RBFOX1: variants seen among roughly 807,000 people sequenced by gnomAD.
RBFOX1 encodes the protein RNA binding protein fox-1 homolog 1.
A neutral mutation model predicts 57.7 loss-of-function variants in RBFOX1; 8 were observed. That is an observed-to-expected ratio of 0.14 (90% CI 0.08 to 0.25). The LOEUF is 0.25. Among genes scored for constraint, RBFOX1 ranks in the 10% least tolerant of loss-of-function variants. The pLI is 1.00. For synonymous variants in RBFOX1, 326 were observed against 222.4 expected (o/e 1.47, Z -4.15); for missense variants, 611 against 548.5 (o/e 1.11, Z -1.14).
chr16:7,121,007 C>G (rs141546580), intron 4 of RBFOX1, among the ~76,000 whole-genome samples: 4 of 151,724 alleles, frequency 2.6e-5, no homozygotes, highest in East Asian at 3.9e-4. Context: ...AAGAAGAAAA[C>G]TAACACATGA....
chr16:7,163,880 G>A (rs1402620448), intron 4 of RBFOX1, among the ~76,000 whole-genome samples: 1 of 151,994 alleles, frequency 6.6e-6, no homozygotes, highest in African/African-American at 2.4e-5. Context: ...GGCTGGTATC[G>A]AACTCCTGAC....
At chr16:6,210,462 G>C (rs909987724) in intron 1 of RBFOX1, among the ~76,000 whole-genome samples, 1 of 151,716 alleles carries the variant, frequency 6.6e-6, no homozygotes, top group Admixed American at 6.6e-5. Context: ...AGACACAGTG[G>C]CTCACTCCTA....
chr16:6,488,316 A>C (rs2095551069), intron 2 of RBFOX1, among the ~76,000 whole-genome samples: 1 of 152,244 alleles, frequency 6.6e-6, no homozygotes, highest in South Asian at 2.1e-4. Flanking sequence ...TATTGTGGTT[A>C]GCTGAATGTG....
intron 3 of RBFOX1, among the ~76,000 whole-genome samples, chr16:6,977,640 G>T (rs891545752): frequency 6.6e-6 from 1 of 152,080 alleles, no homozygotes; most frequent in African/African-American, 2.4e-5. Flanking sequence ...CCCCCGGCTG[G>T]TCATCTCTTT....
intron 4 of RBFOX1, among the ~76,000 whole-genome samples, chr16:7,264,770 C>T (rs1223234280): frequency 2.0e-5 from 3 of 152,104 alleles, no homozygotes; most frequent in African/African-American, 7.2e-5. Context: ...GATAGTGGGG[C>T]ACATTTGGCC....
intron 4 of RBFOX1, among the ~76,000 whole-genome samples, chr16:7,109,964 T>G (rs1210288535): frequency 6.6e-6 from 1 of 152,052 alleles, no homozygotes; most frequent in Non-Finnish European, 1.5e-5. Context: ...TAGGGGTTAT[T>G]AAGGACACTG....
chr16:7,305,791 A>G (rs928679695), intron 4 of RBFOX1, among the ~76,000 whole-genome samples: 3 of 152,304 alleles, frequency 2.0e-5, no homozygotes, highest in African/African-American at 7.2e-5. Context: ...TTGGGAACCA[A>G]TTTGTTCTTT....
At chr16:6,954,437 C>T (rs1039613066) in intron 3 of RBFOX1, among the ~76,000 whole-genome samples, 4 of 152,104 alleles carry the variant, frequency 2.6e-5, no homozygotes, top group South Asian at 2.1e-4. Context: ...TAAAATTACA[C>T]GACTATAAAT....
At position 6,708,922 on chromosome 16, in the gene RBFOX1, C is replaced by T. The variant is rs76370152; in HGVS notation, c.-16+54272C>T. On this transcript the variant is annotated intron_variant, in intron 3 of 15. Transcript: ENST00000550418. Reference sequence around the variant, plus strand: ...TCCCACTCCATTGCGTCCCCAACAGCTTAAGCCAACATCATAGTGGCCTAG... The same window carrying T: ...TCCCACTCCATTGCGTCCCCAACAGTTTAAGCCAACATCATAGTGGCCTAG... 3.6e-5 allele frequency among the ~76,000 whole-genome samples: 3 copies of T among 83,518 alleles called. No individual in the cohort carries two copies. The East Asian group carries it at 4.9e-3, about 136-fold the overall frequency. 54.8% of individuals were successfully genotyped at this position (83,518 alleles called of 152,430 possible). A position where few individuals can be genotyped will look rare whatever the true frequency, so the allele number is the denominator to read the frequency against.
intron 3 of RBFOX1, among the ~76,000 whole-genome samples, chr16:6,834,946 G>T (rs1285751279): frequency 6.8e-6 from 1 of 146,534 alleles, no homozygotes; most frequent in African/African-American, 2.5e-5. Flanking sequence ...AGGCTGGAGT[G>T]CAGTGGCGCG....
Position 6,142,476 on chromosome 16 carries a change from C to T in RBFOX1, c.-127+122484C>T, listed in dbSNP as rs559971776. Among the ~76,000 whole-genome samples the T allele has an allele frequency of 1.2e-4, 18 of 152,182 alleles. No homozygotes were observed. The East Asian group carries it at 3.1e-3, about 26-fold the overall frequency. On this transcript the variant is annotated intron_variant, in intron 1 of 15. Transcript: ENST00000550418. Reference sequence around the variant, plus strand: ...GACCTTGTGATTCGCCCGCCTCGGCCTCCCAAAGCGCTGGGATTACAGGCG... The same window carrying T: ...GACCTTGTGATTCGCCCGCCTCGGCTTCCCAAAGCGCTGGGATTACAGGCG...
intron 1 of RBFOX1, among the ~76,000 whole-genome samples, chr16:6,101,673 G>C (rs1000829232): frequency 6.6e-6 from 1 of 152,154 alleles, no homozygotes; most frequent in African/African-American, 2.4e-5. Context: ...TGTAATCCCA[G>C]CAATTTGGGA....
intron 1 of RBFOX1, among the ~76,000 whole-genome samples, chr16:6,275,307 TCTC>T: frequency 1.1e-4 from 2 of 18,888 alleles, no homozygotes; most frequent in Non-Finnish European, 3.5e-4. Flanking sequence ...TGAGACTCCA[TCTC>T]AAAAAAAAAA....
intron 1 of RBFOX1, among the ~76,000 whole-genome samples, chr16:6,030,548 C>G (rs934995322): frequency 1.3e-5 from 2 of 152,050 alleles, no homozygotes; most frequent in African/African-American, 4.8e-5. Context: ...AATACCTTTG[C>G]AAGGTACCTA....
intron 2 of RBFOX1, among the ~76,000 whole-genome samples, chr16:6,518,841 ATCTATC>A (rs2096443374): frequency 1.6e-5 from 2 of 123,986 alleles, no homozygotes; most frequent in Non-Finnish European, 3.3e-5. Flanking sequence ...CTATCTATCT[ATCTATC>A]TGTCTTCCTG....
At chr16:7,197,141 C>G (rs1455985592) in intron 4 of RBFOX1, among the ~76,000 whole-genome samples, 1 of 152,150 alleles carries the variant, frequency 6.6e-6, no homozygotes, top group South Asian at 2.1e-4. Flanking sequence ...TCCAATCTGT[C>G]CTTCATTCTA....
chr16:5,881,429 C>T (rs1448649600), intron 4 of RBFOX1, among the ~76,000 whole-genome samples: 1 of 152,170 alleles, frequency 6.6e-6, no homozygotes, highest in Non-Finnish European at 1.5e-5. Context: ...CCTGTAATCC[C>T]AGCACTTTGG....
intron 4 of RBFOX1, among the ~76,000 whole-genome samples, chr16:5,894,827 T>C (rs1275678511): frequency 6.6e-6 from 1 of 151,934 alleles, no homozygotes; most frequent in Admixed American, 6.6e-5. Context: ...CGAGACCATC[T>C]TGGCTAACAC....
rs71404527 is a variant in RBFOX1 at position 5,517,930 on chromosome 16, CTG to C, written c.258+50708_258+50709del. Among the ~76,000 whole-genome samples, 899 of 143,846 alleles carry C rather than the reference CTG, an allele frequency of 6.2e-3. 3 individuals are homozygous for C. Among genetic ancestry groups the C allele is most frequent in the Non-Finnish European group, 7.4e-3 (486 of 65,292 alleles). The allele number at this position is 143,846 out of a possible 152,430, so 94.4% of individuals were successfully genotyped here. A position where few individuals can be genotyped will look rare whatever the true frequency, so the allele number is the denominator to read the frequency against. ...ATATTTATAAAATATGCAAAAGCTA[CTG>C]TGTGTGTGTGTGTGTGTGTGTGTGT... On this transcript the variant is annotated intron_variant, in intron 2 of 2. Coordinates refer to the RBFOX1 transcript ENST00000585867.
Sources: gnomAD v4.1 joint callset for allele counts (sites outside exome capture counted in the v4.1 genomes callset) on GRCh38, gnomAD v4.1.1 for gene constraint, MANE v1.5 for transcripts, NCBI Gene and HGNC (gene_info 2026-07-23, HGNC 2026-07-21) for gene names.